NUMA1: variants seen among roughly 807,000 people sequenced by gnomAD.
NUMA1 encodes the protein SP-H antigen.
A neutral mutation model predicts 237.1 loss-of-function variants in NUMA1; 62 were observed. The observed-to-expected ratio is 0.26, with a 90% CI of 0.21 to 0.32. The LOEUF (loss-of-function observed/expected upper bound fraction) is 0.32, where lower values mean the gene tolerates loss of function less well. Among genes scored for constraint, NUMA1 ranks in the 10% least tolerant of loss-of-function variants. NUMA1 has a pLI of 1.00. For missense variants in NUMA1, 2,533 were observed against 2,666.5 expected, an observed-to-expected ratio of 0.95 and a Z score of 1.10; for synonymous variants, 1,028 against 1,066.1, an observed-to-expected ratio of 0.96 and a Z score of 0.70.
chr11:72,076,396 AAATAAAATT>A (rs1279355734), intron 1 of NUMA1, among the ~76,000 whole-genome samples: 1 of 152,120 alleles, frequency 6.6e-6, no homozygotes, highest in Admixed American at 6.6e-5. Context: ...AAATAAAATA[AAATAAAATT>A]CTAGGAAGCA....
In NUMA1 at chr11:72,004,833, G is replaced by C. The variant is rs1030238463; in HGVS notation, c.5830-17C>G. ...CAGGGAAGGCTGCATGGGTGGAAGA[G>C]GTGGTCAGTGGACCATAGCTGTATG... On this transcript the variant is annotated splice_polypyrimidine_tract_variant and intron_variant, in intron 23 of 26. Coordinates refer to ENST00000393695, the MANE Select transcript of NUMA1 (RefSeq NM_006185.4). 4 of 1,551,594 alleles carry C rather than the reference G, an allele frequency of 2.6e-6. No individual in the cohort carries two copies. Among genetic ancestry groups the C allele is most frequent in the Non-Finnish European group, 2.6e-6 (3 of 1,150,866 alleles).
intron 1 of NUMA1, among the ~76,000 whole-genome samples, chr11:72,074,613 C>T (rs1943621680): frequency 6.6e-6 from 1 of 151,876 alleles, no homozygotes; most frequent in East Asian, 1.9e-4. Context: ...GTGGCGTGCA[C>T]TTGTAGTTCC....
At chr11:72,036,200 A>T (rs940333681) in intron 2 of NUMA1, among the ~76,000 whole-genome samples, 1 of 152,188 alleles carries the variant, frequency 6.6e-6, no homozygotes, top group African/African-American at 2.4e-5. Flanking sequence ...CTCAATGTCT[A>T]CCCCATGTAA....
intron 13 of NUMA1, 60 bp downstream of exon 13, chr11:72,017,627 A>G: frequency 6.2e-7 from 1 of 1,602,264 alleles, no homozygotes; most frequent in Non-Finnish European, 8.5e-7. Context: ...ACAGTGGTAA[A>G]CTGGACTCAG....
intron 2 of NUMA1, among the ~76,000 whole-genome samples, chr11:72,062,358 A>G (rs1942987695): frequency 6.6e-6 from 1 of 152,176 alleles, no homozygotes; most frequent in African/African-American, 2.4e-5. Flanking sequence ...AAAAGCTATC[A>G]TACTCTCCAC....
chr11:72,022,565 C>G (rs548577288), intron 6 of NUMA1, 146 bp from the exon 7 acceptor site: 93 of 556,816 alleles, frequency 1.7e-4, no homozygotes, highest in Non-Finnish European at 2.7e-4. Context: ...CCATCCTTAA[C>G]AGCTCCAGGA....
At chr11:72,072,054 G>C (rs2136288528) in intron 1 of NUMA1, among the ~76,000 whole-genome samples, 1 of 152,202 alleles carries the variant, frequency 6.6e-6, no homozygotes, top group East Asian at 1.9e-4. Context: ...GAGGGGTATA[G>C]TAGGAAATTC....
chr11:72,047,578 T>C (rs922828644), intron 2 of NUMA1, among the ~76,000 whole-genome samples: 2 of 152,180 alleles, frequency 1.3e-5, no homozygotes, highest in East Asian at 3.9e-4. Flanking sequence ...ATAATTAGCC[T>C]GGCACTCAAG....
chr11:72,047,753 G>T (rs1016674725), intron 2 of NUMA1: 1 of 152,134 alleles, frequency 6.6e-6, no homozygotes, highest in Non-Finnish European at 1.5e-5. Flanking sequence ...AATTACAACA[G>T]TAACAGCAAC....
intron 2 of NUMA1, among the ~76,000 whole-genome samples, chr11:72,039,130 C>G (rs796318279): frequency 6.6e-6 from 1 of 152,218 alleles, no homozygotes; most frequent in Admixed American, 6.5e-5. Flanking sequence ...TAAAGAGACA[C>G]GCAGCCACTC....
At chr11:72,009,245 T>C in intron 18 of NUMA1, 23 bp downstream of exon 18, 4 of 1,606,584 alleles carry the variant, frequency 2.5e-6, no homozygotes, top group Non-Finnish European at 1.7e-6. Flanking sequence ...GAAGGTGGCA[T>C]GGGCTGGGGC....
At chr11:72,004,950 A>T in intron 23 of NUMA1, 134 bp from the exon 24 acceptor site, 1 of 922,072 alleles carries the variant, frequency 1.1e-6, no homozygotes, top group Non-Finnish European at 1.6e-6. Context: ...GTAGAAAGAC[A>T]CAAGGCCTCC....
intron 2 of NUMA1, among the ~76,000 whole-genome samples, chr11:72,061,485 CTTTTTT>C (rs767581846): frequency 0.031 from 3,643 of 117,140 alleles, 38 homozygotes; most frequent in East Asian, 0.077. Flanking sequence ...TGTTTCTTTT[CTTTTTT>C]TTTTTTTTTT....
Position 72,026,914 on chromosome 11 carries a change from C to T in NUMA1, c.128+2291G>A, listed in dbSNP as rs11235425. Reference sequence around the variant, plus strand: ...ATCTGAGATGGAGATTAGCATTAACCTGGGATTTCAATATCGCCTACCTCC... The same window carrying T: ...ATCTGAGATGGAGATTAGCATTAACTTGGGATTTCAATATCGCCTACCTCC... On this transcript the variant is annotated intron_variant, in intron 4 of 26. Transcript: ENST00000393695. Among the ~76,000 whole-genome samples, 666 of 152,276 alleles carry T rather than the reference C, an allele frequency of 4.4e-3. 3 individuals are homozygous for T. Among genetic ancestry groups the T allele is most frequent in the African/African-American group, 0.015 (639 of 41,540 alleles).
At chr11:72,032,653 A>C (rs1484196013) in intron 3 of NUMA1, among the ~76,000 whole-genome samples, 1 of 152,240 alleles carries the variant, frequency 6.6e-6, no homozygotes, top group Admixed American at 6.5e-5. Context: ...AAGTTGAGGA[A>C]GTAGAGAAGT....
intron 1 of NUMA1, among the ~76,000 whole-genome samples, chr11:72,077,941 G>A (rs1480269049): frequency 3.3e-5 from 5 of 152,080 alleles, no homozygotes; most frequent in African/African-American, 1.2e-4. Context: ...AATAAAAAAG[G>A]AAGGAATAAA....
rs536655246 is a variant in NUMA1, at chr11:72,024,415, A to T, written c.129-62T>A. ...GCAATCTTTGCCTCCTTGCTGCTGC[A>T]TTTCATAGTACCTCCCCATTCCTTC... On this transcript the variant is annotated intron_variant, in intron 4 of 26. Coordinates refer to ENST00000393695, the MANE Select transcript of NUMA1 (RefSeq NM_006185.4). 4 of 1,380,438 alleles carry T rather than the reference A, an allele frequency of 2.9e-6. No homozygotes were observed. In the East Asian group the frequency reaches 9.1e-5, roughly 32 times the overall value. The allele number at this position is 1,380,438 out of a possible 1,614,324, so 85.5% of individuals were successfully genotyped here.
At chr11:72,006,356 C>T (rs1955698552) in intron 21 of NUMA1, 93 bp from the exon 22 acceptor site, 1 of 1,052,628 alleles carries the variant, frequency 9.5e-7, no homozygotes, top group Non-Finnish European at 1.4e-6. Flanking sequence ...TCCCACGGCA[C>T]ATCCATGTAT....
rs79551045 is a variant in NUMA1 at position 72,059,895 on chromosome 11, C to T, written c.-33+9947G>A. On this transcript the variant is annotated intron_variant, in intron 2 of 26. Coordinates refer to ENST00000393695, the MANE Select transcript of NUMA1 (RefSeq NM_006185.4). ...AAAAATTCCCATCTACACCCTTCTA[C>T]CAATATATTTTATCAATATATAAGA... Among the ~76,000 whole-genome samples the T allele has an allele frequency of 3.2e-3, 485 of 152,256 alleles. 3 individuals carry two copies. The East Asian group carries it at 0.039, about 12-fold the overall frequency.
Sources: allele counts gnomAD v4.1 joint callset (sites outside exome capture counted in the v4.1 genomes callset), GRCh38; gene constraint gnomAD v4.1.1; transcripts MANE v1.5; gene names NCBI Gene and HGNC (gene_info 2026-07-23, HGNC 2026-07-21).